TIA1: variants seen among roughly 807,000 people sequenced by gnomAD.
The protein encoded by TIA1 is cytotoxic granule associated RNA binding protein TIA1.
Under a neutral mutation model 65.9 loss-of-function variants are expected in TIA1, and 23 were observed. The observed-to-expected ratio is 0.35, with a 90% CI of 0.25 to 0.49. The LOEUF is 0.49. Ranked by LOEUF, TIA1 falls within the 20% of genes least tolerant of loss-of-function variation. TIA1 has a pLI of 0.98. For synonymous variants in TIA1, 147 were observed against 149.4 expected (o/e 0.98, Z 0.12); for missense variants, 371 against 477.9 (o/e 0.78, Z 2.09).
chr2:70,213,835 A>G (rs1573151253), intron 12 of TIA1, among the ~76,000 whole-genome samples: 1 of 152,086 alleles, frequency 6.6e-6, no homozygotes, highest in East Asian at 1.9e-4. Context: ...TATTTTTAGC[A>G]GAGGTGGGGT....
At chr2:70,224,700 A>G in intron 6 of TIA1, 71 bp from the exon 7 acceptor site, 1 of 1,574,924 alleles carries the variant, frequency 6.3e-7, no homozygotes, top group Non-Finnish European at 8.6e-7. Flanking sequence ...AATTTCACAC[A>G]CAACTCATTC....
At chr2:70,232,144 G>A (rs1232747914) in intron 2 of TIA1, among the ~76,000 whole-genome samples, 10 of 148,124 alleles carry the variant, frequency 6.8e-5, no homozygotes, top group African/African-American at 2.5e-4. Flanking sequence ...GGAGCTTGCA[G>A]TGTGCAGTGA....
chr2:70,241,810 G>A (rs1471239496), intron 1 of TIA1, among the ~76,000 whole-genome samples: 2 of 151,882 alleles, frequency 1.3e-5, no homozygotes, highest in Non-Finnish European at 2.9e-5. Context: ...TGGGTGTGGT[G>A]GTGTGCACCT....
At chr2:70,226,712 T>C (rs2104352010) in intron 6 of TIA1, among the ~76,000 whole-genome samples, 1 of 152,142 alleles carries the variant, frequency 6.6e-6, no homozygotes, top group East Asian at 1.9e-4. Flanking sequence ...TTATTGAAAC[T>C]CTAAGATATT....
chr2:70,227,784 T>C lies in TIA1; in HGVS notation c.349A>G (p.Ile117Val), dbSNP rs746552645. 1.3e-6 allele frequency: 2 copies of C among 1,598,350 alleles called. No homozygotes were observed. Among genetic ancestry groups the C allele is most frequent in the South Asian group, 2.3e-5 (2 of 88,752 alleles). Residue 117 changes from isoleucine (I) to valine (V), a missense_variant, in exon 6 of 13, where the codon ATT (isoleucine) becomes GTT (valine). By Grantham distance (29) the Ile-to-Val change is conservative (BLOSUM62 3). Transcript: ENST00000433529. Reference sequence around the variant, plus strand: ...GCAGCTTTTATATCTTCAGTTGTAATTTCTGGGCTGAGATCACCAACAAAG... The same window carrying C: ...GCAGCTTTTATATCTTCAGTTGTAACTTCTGGGCTGAGATCACCAACAAAG... ...HVFVGDLSPE[I>V]TTEDIKAAFA...
At chr2:70,220,404 G>A (rs1019522213) in intron 7 of TIA1, among the ~76,000 whole-genome samples, 2 of 151,554 alleles carry the variant, frequency 1.3e-5, no homozygotes, top group African/African-American at 4.8e-5. Context: ...GTGAGGTCCT[G>A]TCTCGAAAAA....
Position 70,224,530 on chromosome 2 carries a change from C to G in TIA1, c.474+24G>C, listed in dbSNP as rs374663588. The G allele has an allele frequency of 8.8e-5, 142 of 1,613,824 alleles. 1 individual carries two copies. The South Asian group carries it at 1.5e-3, about 17-fold the overall frequency. On this transcript the variant is annotated intron_variant, in intron 7 of 12. Transcript: ENST00000433529. ...CCATTCTTTACTCTTTAAGCATTAT[C>G]CATGCACTTCTCACTGAGCTCACCC...
chr2:70,243,391 C>T (rs750389816), intron 1 of TIA1, among the ~76,000 whole-genome samples: 6 of 152,038 alleles, frequency 3.9e-5, no homozygotes, highest in African/African-American at 1.2e-4. Context: ...CACACCACTG[C>T]GCCAGAGCCT....
In TIA1 at chr2:70,216,132, TTTTTTA is replaced by T. The variant is rs1190466572; in HGVS notation, c.764+70_764+75del. Reference sequence around the variant, plus strand: ...TCAAAAAATATTTTGGAGGAAAAAGTTTTTTATTTTTATTTATTTTCTGGTTTTCCA... The same window carrying T: ...TCAAAAAATATTTTGGAGGAAAAAGTTTTTTATTTATTTTCTGGTTTTCCA... On this transcript the variant is annotated intron_variant, in intron 10 of 12. Coordinates refer to ENST00000433529, the MANE Select transcript of TIA1 (RefSeq NM_022173.4). The T allele has an allele frequency of 5.8e-6, 7 of 1,208,590 alleles. No homozygotes were observed. In the African/African-American group the frequency reaches 1.1e-4, roughly 19 times the overall value. The allele number at this position is 1,208,590 out of a possible 1,614,324, so 74.9% of individuals were successfully genotyped here.
In TIA1 at chr2:70,212,159, A is replaced by G. The variant is rs1676634954; in HGVS notation, c.*560T>C. On this transcript the variant is annotated 3_prime_UTR_variant, in exon 13 of 13. Transcript: ENST00000433529. The stretch of plus-strand genomic sequence containing the variant: ...AAGACAAATTTGTGAAAAAAGATGT[A>G]GATACAAAAATGATGTAAACTAATA... 6.6e-6 allele frequency: 1 copy of G among 152,644 alleles called. No homozygotes were observed. The allele number at this position is 152,644 out of a possible 1,614,324, so 9.5% of individuals were successfully genotyped here. A position where few individuals can be genotyped will look rare whatever the true frequency, so the allele number is the denominator to read the frequency against.
At chr2:70,236,692 T>C (rs935434230) in intron 1 of TIA1, among the ~76,000 whole-genome samples, 2 of 152,046 alleles carry the variant, frequency 1.3e-5, no homozygotes, top group Non-Finnish European at 2.9e-5. Context: ...AGTGGCGCAA[T>C]CTTGGCTCAC....
chr2:70,215,292 CA>C (rs1678096793), intron 11 of TIA1, 78 bp downstream of exon 11: 1 of 1,564,784 alleles, frequency 6.4e-7, no homozygotes, highest in African/African-American at 1.4e-5. Flanking sequence ...AACTTATTAA[CA>C]AGGATTATCA....
chr2:70,227,267 G>GT (rs547641168), intron 6 of TIA1, among the ~76,000 whole-genome samples: 7 of 152,204 alleles, frequency 4.6e-5, no homozygotes, highest in Admixed American at 3.3e-4. Flanking sequence ...ATTGTTAGCA[G>GT]TTTTTTTAAA....
intron 3 of TIA1, among the ~76,000 whole-genome samples, chr2:70,229,665 C>T (rs1037346277): frequency 2.6e-5 from 4 of 152,088 alleles, no homozygotes; most frequent in Admixed American, 1.3e-4. Flanking sequence ...CTAACATAGG[C>T]TGCTGGCTGA....
chr2:70,231,845 T>C (rs932233220), intron 2 of TIA1, among the ~76,000 whole-genome samples: 1 of 152,198 alleles, frequency 6.6e-6, no homozygotes, highest in African/African-American at 2.4e-5. Flanking sequence ...AGTAAAATTT[T>C]AGAATAAGTT....
intron 1 of TIA1, among the ~76,000 whole-genome samples, chr2:70,245,701 G>T (rs1693982830): frequency 6.6e-6 from 1 of 152,032 alleles, no homozygotes; most frequent in African/African-American, 2.4e-5. Context: ...TAAACTTTCG[G>T]GAAGTTTGTC....
intron 2 of TIA1, among the ~76,000 whole-genome samples, chr2:70,234,142 G>T (rs1348858031): frequency 6.6e-6 from 1 of 152,166 alleles, no homozygotes; most frequent in Non-Finnish European, 1.5e-5. Context: ...CAACAGAGAA[G>T]ATTTATATTC....
chr2:70,212,928 C>A, intron 12 of TIA1, 83 bp from the exon 13 acceptor site: 1 of 858,868 alleles, frequency 1.2e-6, no homozygotes, highest in Middle Eastern at 2.3e-4. Context: ...ACAACAAGAA[C>A]AAATATGGGA....
intron 2 of TIA1, among the ~76,000 whole-genome samples, chr2:70,232,709 A>C (rs1026760973): frequency 2.0e-5 from 3 of 151,220 alleles, no homozygotes; most frequent in African/African-American, 4.9e-5. Flanking sequence ...TCTCTACTAA[A>C]AATACAAAAA....
Sources: gnomAD v4.1 joint callset for allele counts (sites outside exome capture counted in the v4.1 genomes callset) on GRCh38, gnomAD v4.1.1 for gene constraint, MANE v1.5 for transcripts, NCBI Gene and HGNC (gene_info 2026-07-23, HGNC 2026-07-21) for gene names.